Variants in CDK15 observed in about 807,000 individuals in gnomAD.
The protein encoded by CDK15 is cyclin dependent kinase 15.
A neutral mutation model predicts 60.3 loss-of-function variants in CDK15; 62 were observed. The observed-to-expected ratio is 1.03, with a 90% CI of 0.84 to 1.27. The LOEUF (loss-of-function observed/expected upper bound fraction) is 1.27. Among genes scored for constraint, CDK15 ranks in the 50% most tolerant of loss-of-function variants. CDK15 has a pLI of 0.00. For synonymous variants in CDK15, 194 were observed against 195.7 expected, an observed-to-expected ratio of 0.99 and a Z score of 0.07; for missense variants, 541 against 527.8, an observed-to-expected ratio of 1.03 and a Z score of -0.25.
In CDK15 at chr2:201,882,329, T is replaced by C. The variant is rs905203917; in HGVS notation, c.1198+2162T>C. Among the ~76,000 whole-genome samples the C allele has an allele frequency of 1.3e-5, 2 of 152,186 alleles. No homozygotes were observed. The highest frequency in any genetic ancestry group is 4.8e-5 in the African/African-American group (2 of 41,446). ...GAAAAGATGGAATCTTGTAGGAGGC[T>C]GCCTGCACTAGCGGGGGAAACCAGG... On this transcript the variant is annotated intron_variant, in intron 12 of 13. Coordinates refer to ENST00000652192, the MANE Select transcript of CDK15 (RefSeq NM_001366386.2). The surrounding 1 kb of genome is among the most constrained non-coding windows in gnomAD (Gnocchi z 4.0).
At chr2:201,843,833 C>G (rs1376647824) in intron 8 of CDK15, among the ~76,000 whole-genome samples, 2 of 152,168 alleles carry the variant, frequency 1.3e-5, no homozygotes, top group East Asian at 3.9e-4. Context: ...GGCCTGAATG[C>G]TCTAGTTTTT....
intron 10 of CDK15, among the ~76,000 whole-genome samples, chr2:201,865,341 A>G: frequency 6.6e-6 from 1 of 152,156 alleles, no homozygotes; most frequent in East Asian, 1.9e-4. Context: ...GAGAGTCCTG[A>G]CTATGCCCAT....
At chr2:201,811,399 C>T (rs1695762782) in intron 3 of CDK15, among the ~76,000 whole-genome samples, 1 of 152,184 alleles carries the variant, frequency 6.6e-6, no homozygotes, top group African/African-American at 2.4e-5. Flanking sequence ...ATCCACCGGC[C>T]TTCGCCTCCC....
At chr2:201,827,323 G>A (rs1351246521) in intron 6 of CDK15, among the ~76,000 whole-genome samples, 2 of 152,308 alleles carry the variant, frequency 1.3e-5, no homozygotes, top group East Asian at 3.9e-4. Flanking sequence ...GCATACGCCT[G>A]TAGTCCCAGC....
At position 201,882,579 on chromosome 2, in the gene CDK15, G is replaced by A. The variant is rs1174185496; in HGVS notation, c.1198+2412G>A. 6.6e-6 allele frequency among the ~76,000 whole-genome samples: 1 copy of A among 151,938 alleles called. No homozygotes were observed. The highest frequency in any genetic ancestry group is 1.5e-5 in the Non-Finnish European group (1 of 67,978). On this transcript the variant is annotated intron_variant, in intron 12 of 13. Coordinates refer to ENST00000652192, the MANE Select transcript of CDK15 (RefSeq NM_001366386.2). The surrounding 1 kb of genome is among the most constrained non-coding windows in gnomAD (Gnocchi z 4.0). Reference sequence around the variant, plus strand: ...GCAGCGACATCTCGAATCCCCGAGGGAGAAGATGAAAGCGCCGGTGCCAAG... The same window carrying A: ...GCAGCGACATCTCGAATCCCCGAGGAAGAAGATGAAAGCGCCGGTGCCAAG...
At chr2:201,874,085 G>T (rs950042074) in intron 11 of CDK15, among the ~76,000 whole-genome samples, 30 of 149,082 alleles carry the variant, frequency 2.0e-4, no homozygotes, top group African/African-American at 5.9e-4. Flanking sequence ...AAAAAAAGTT[G>T]GGGGGAGGTA....
At chr2:201,876,587 G>A (rs1699087996) in intron 11 of CDK15, 1 of 1,288,276 alleles carries the variant, frequency 7.8e-7, no homozygotes, top group Non-Finnish European at 1.0e-6. Context: ...AGGAGAAGGA[G>A]AAGCAAAGTG....
chr2:201,807,695 C>T (rs1038980317), intron 2 of CDK15, 52 bp downstream of exon 2: 12 of 1,606,092 alleles, frequency 7.5e-6, no homozygotes, highest in South Asian at 4.4e-5. Flanking sequence ...AGCTTGTCTA[C>T]GGAGGCCGGC....
At chr2:201,864,946 G>A (rs1236393880) in intron 10 of CDK15, among the ~76,000 whole-genome samples, 2 of 152,188 alleles carry the variant, frequency 1.3e-5, no homozygotes, top group Non-Finnish European at 1.5e-5. Flanking sequence ...AGGAGAGAGT[G>A]TAGAGAAAGA....
chr2:201,887,076 G>A (rs1251785558), intron 12 of CDK15, among the ~76,000 whole-genome samples: 1 of 152,062 alleles, frequency 6.6e-6, no homozygotes, highest in Non-Finnish European at 1.5e-5. Flanking sequence ...TGTCTATAAT[G>A]TTTTACAATT....
chr2:201,842,304 G>A (rs796608146), intron 8 of CDK15, among the ~76,000 whole-genome samples: 21 of 152,214 alleles, frequency 1.4e-4, no homozygotes, highest in African/African-American at 4.8e-4. Flanking sequence ...CATCCATGTC[G>A]TAGTACACTG....
intron 3 of CDK15, among the ~76,000 whole-genome samples, chr2:201,808,154 C>T (rs1466221922): frequency 6.6e-6 from 1 of 152,176 alleles, no homozygotes; most frequent in Non-Finnish European, 1.5e-5. Flanking sequence ...TTAAAATCAG[C>T]CCACTTAAAT....
chr2:201,815,092 C>G (rs563833488), intron 4 of CDK15, among the ~76,000 whole-genome samples: 1 of 152,186 alleles, frequency 6.6e-6, no homozygotes, highest in South Asian at 2.1e-4. Context: ...GCTGGGATTA[C>G]AGGCATGTGC....
chr2:201,882,899 C>T lies in CDK15; in HGVS notation c.1198+2732C>T, dbSNP rs1161388497. Among the ~76,000 whole-genome samples, 1 of 152,202 alleles carries T rather than the reference C, an allele frequency of 6.6e-6. No homozygotes were observed. Among genetic ancestry groups the T allele is most frequent in the Non-Finnish European group, 1.5e-5 (1 of 68,038 alleles). On this transcript the variant is annotated intron_variant, in intron 12 of 13. Coordinates refer to ENST00000652192, the MANE Select transcript of CDK15 (RefSeq NM_001366386.2). The surrounding 1 kb of genome is among the most constrained non-coding windows in gnomAD (Gnocchi z 4.0). ...GATGCGGTCCTTGGCCTGGCAGTGC[C>T]AGCCTGCTTTTTCATTGCCCCTGGC...
At chr2:201,842,856 T>C (rs183453186) in intron 8 of CDK15, among the ~76,000 whole-genome samples, 194 of 152,296 alleles carry the variant, frequency 1.3e-3, no homozygotes, top group African/African-American at 4.3e-3. Context: ...ACAGGGTCTT[T>C]TCTCCCCTGC....
intron 4 of CDK15, among the ~76,000 whole-genome samples, chr2:201,819,740 A>G (rs1218757829): frequency 6.6e-6 from 1 of 152,202 alleles, no homozygotes; most frequent in Non-Finnish European, 1.5e-5. Flanking sequence ...AAAAGTTGAG[A>G]GGACTTGACG....
At chr2:201,854,079 C>T (rs896152389) in intron 9 of CDK15, among the ~76,000 whole-genome samples, 9 of 151,968 alleles carry the variant, frequency 5.9e-5, no homozygotes, top group African/African-American at 2.2e-4. Flanking sequence ...GAGGCTGAGG[C>T]AGGAGAATGG....
chr2:201,854,627 A>G, intron 9 of CDK15: 1 of 496,848 alleles, frequency 2.0e-6, no homozygotes, highest in Non-Finnish European at 3.6e-6. Flanking sequence ...GATCTGCCTC[A>G]GAACAAGTGA....
At chr2:201,829,022 A>C (rs1696631822) in intron 6 of CDK15, among the ~76,000 whole-genome samples, 1 of 152,178 alleles carries the variant, frequency 6.6e-6, no homozygotes, top group Non-Finnish European at 1.5e-5. Flanking sequence ...GGCTGTCAGG[A>C]ATTTAGTTGA....
Sources: gnomAD v4.1 joint callset for allele counts (sites outside exome capture counted in the v4.1 genomes callset) on GRCh38, gnomAD v4.1.1 for gene constraint, Gnocchi (gnomAD v3.1) non-coding constraint, MANE v1.5 for transcripts, NCBI Gene and HGNC (gene_info 2026-07-23, HGNC 2026-07-21) for gene names.